The following EFCAB13 variants were observed in gnomAD, a reference collection of about 807,000 sequenced individuals.
EFCAB13 encodes EF-hand calcium-binding domain-containing protein 13.
Under a neutral mutation model 110.2 loss-of-function variants are expected in EFCAB13, and 91 were observed. That is an observed-to-expected ratio of 0.83 (90% CI 0.70 to 0.98). The LOEUF is 0.98. Among genes scored for constraint, EFCAB13 ranks in the 50% least tolerant of loss-of-function variants. The pLI, the probability that EFCAB13 is intolerant of heterozygous loss-of-function variation, is 0.00. For synonymous variants in EFCAB13, 323 were observed against 369.9 expected (o/e 0.87, Z 1.45); for missense variants, 968 against 1,119.4 (o/e 0.86, Z 1.93).
chr17:47,374,395 A>C (rs1288455959), intron 11 of EFCAB13, 77 bp from the exon 12 acceptor site: 1 of 1,199,198 alleles, frequency 8.3e-7, no homozygotes, highest in Non-Finnish European at 1.1e-6. Flanking sequence ...AGTTTTCATG[A>C]GGACTTAGTT....
chr17:47,396,007 G>T, intron 17 of EFCAB13, 30 bp downstream of exon 17: 1 of 1,556,932 alleles, frequency 6.4e-7, no homozygotes. Context: ...AAATTAAAAA[G>T]TATACCAAGA....
intron 4 of EFCAB13, among the ~76,000 whole-genome samples, chr17:47,330,697 A>G (rs2065314917): frequency 6.6e-6 from 1 of 151,820 alleles, no homozygotes; most frequent in Admixed American, 6.6e-5. Context: ...ACCTCTCATC[A>G]GTTGATGGGT....
intron 9 of EFCAB13, among the ~76,000 whole-genome samples, chr17:47,348,550 G>A (rs1449516603): frequency 6.6e-6 from 1 of 151,928 alleles, no homozygotes; most frequent in East Asian, 1.9e-4. Flanking sequence ...ATATGACTAA[G>A]ATTTATTCAT....
At chr17:47,359,434 A>G (rs1170929367) in intron 9 of EFCAB13, among the ~76,000 whole-genome samples, 1 of 151,838 alleles carries the variant, frequency 6.6e-6, no homozygotes, top group African/African-American at 2.4e-5. Flanking sequence ...CTTAGTAATC[A>G]TTAGTTTATT....
intron 12 of EFCAB13, among the ~76,000 whole-genome samples, chr17:47,375,730 T>A (rs1206109909): frequency 6.6e-6 from 1 of 152,232 alleles, no homozygotes; most frequent in Non-Finnish European, 1.5e-5. Flanking sequence ...ATCATTAATA[T>A]TTCCTAGAAA....
chr17:47,389,428 G>A (rs2065693940), intron 14 of EFCAB13, among the ~76,000 whole-genome samples: 1 of 152,050 alleles, frequency 6.6e-6, no homozygotes, highest in Admixed American at 6.6e-5. Context: ...ATTCTCAAAG[G>A]TACAGCTCTT....
chr17:47,398,341 AC>A (rs1320067120), intron 17 of EFCAB13, among the ~76,000 whole-genome samples: 1 of 148,336 alleles, frequency 6.7e-6, no homozygotes, highest in Admixed American at 6.7e-5. Flanking sequence ...CTGCCCGGCC[AC>A]CACCCCGTCT....
chr17:47,440,288 G>T (rs983486437), intron 24 of EFCAB13, 143 bp from the exon 25 acceptor site: 12 of 705,760 alleles, frequency 1.7e-5, no homozygotes, highest in Non-Finnish European at 2.6e-5. Flanking sequence ...TCATATGCAT[G>T]CAAGAGGTAA....
At position 47,374,734 on chromosome 17, in the gene EFCAB13, C is replaced by G; in HGVS notation, c.1140C>G (p.Val380=). 1.2e-6 allele frequency: 2 copies of G among 1,613,802 alleles called. No individual in the cohort carries two copies. Among genetic ancestry groups the G allele is most frequent in the Non-Finnish European group, 1.7e-6 (2 of 1,179,912 alleles). ...GGGTTGGCAGCAGTAATGTAGGAGT[C>G]CAAGAACCATATTCAAAGAATGGCA... ...LGGVGSSNVG[V]QEPYSKNGIN... Residue 380 remains valine (V), a synonymous_variant, in exon 12 of 25, where the codon GTC becomes GTG. Coordinates refer to ENST00000331493, the MANE Select transcript of EFCAB13 (RefSeq NM_152347.5).
rs755673463 is a variant in EFCAB13, at chr17:47,374,474, A to G, written c.880A>G (p.Ile294Val). Reference sequence around the variant, plus strand: ...AATTGTATATTTCTCTTATTTAGCAATTACAGAAGGATCACCTTTGAATGA... The same window carrying G: ...AATTGTATATTTCTCTTATTTAGCAGTTACAGAAGGATCACCTTTGAATGA... ...ELQEQYEDVS[I>V]TEGSPLNEIT... The change falls in exon 12 of 25, where the codon ATT becomes GTT. Residue 294 changes from isoleucine to valine, a missense_variant and splice_region_variant. Physicochemically the swap from Ile to Val is conservative, Grantham distance 29. Coordinates refer to ENST00000331493, the MANE Select transcript of EFCAB13 (RefSeq NM_152347.5). 4 of 1,495,426 alleles carry G rather than the reference A, an allele frequency of 2.7e-6. No homozygotes were observed. In the African/African-American group the frequency reaches 4.2e-5, roughly 16 times the overall value. 92.6% of individuals were successfully genotyped at this position (1,495,426 alleles called of 1,614,324 possible). A position where few individuals can be genotyped will look rare whatever the true frequency, so the allele number is the denominator to read the frequency against.
At chr17:47,379,897 A>G (rs2065637474) in intron 14 of EFCAB13, among the ~76,000 whole-genome samples, 1 of 152,196 alleles carries the variant, frequency 6.6e-6, no homozygotes, top group Non-Finnish European at 1.5e-5. Flanking sequence ...TTCCCCAGAT[A>G]AGGAAAGATT....
chr17:47,357,337 A>C (rs2065486547), intron 9 of EFCAB13, among the ~76,000 whole-genome samples: 1 of 152,202 alleles, frequency 6.6e-6, no homozygotes, highest in Non-Finnish European at 1.5e-5. Flanking sequence ...TTTTTAAATC[A>C]CAACTTAGAA....
intron 6 of EFCAB13, among the ~76,000 whole-genome samples, chr17:47,343,566 C>G (rs2051868046): frequency 6.6e-6 from 1 of 152,034 alleles, no homozygotes. Context: ...AGTCTTTTTT[C>G]CACATCTTGC....
chr17:47,328,331 A>G lies in EFCAB13; in HGVS notation c.-23A>G, dbSNP rs761565007. On this transcript the variant is annotated 5_prime_UTR_variant, in exon 4 of 25. Coordinates refer to ENST00000331493, the MANE Select transcript of EFCAB13 (RefSeq NM_152347.5). ...ATCAAAGCCTGGAGTCCTTAAGGAC[A>G]GAATTTACCTCTAAACAGAAAGATG... 2.5e-6 allele frequency: 4 copies of G among 1,605,046 alleles called. No individual in the cohort carries two copies. The South Asian group carries it at 4.4e-5, about 18-fold the overall frequency.
At chr17:47,356,184 C>G (rs1228212680) in intron 9 of EFCAB13, among the ~76,000 whole-genome samples, 1 of 151,560 alleles carries the variant, frequency 6.6e-6, no homozygotes, top group Non-Finnish European at 1.5e-5. Context: ...AATTATTTTT[C>G]TGGCAATTCA....
intron 21 of EFCAB13, among the ~76,000 whole-genome samples, chr17:47,411,882 A>G (rs917229834): frequency 1.3e-5 from 2 of 152,208 alleles, no homozygotes; most frequent in Admixed American, 1.3e-4. Context: ...ACTTGAGCTC[A>G]GGAGTTCGAG....
intron 11 of EFCAB13, among the ~76,000 whole-genome samples, chr17:47,372,732 C>T (rs1413896504): frequency 6.6e-6 from 1 of 152,036 alleles, no homozygotes; most frequent in Non-Finnish European, 1.5e-5. Flanking sequence ...CAGTTTATTT[C>T]CTTCAGTACT....
chr17:47,431,847 A>G lies in EFCAB13; in HGVS notation c.2638+1886A>G, dbSNP rs901547299. ...TTCTTTGTTCAATAGTTACTGAAACAGTTGTTCTAAAATCTTCTACAATTT... is the reference window on the plus strand; with the variant it reads ...TTCTTTGTTCAATAGTTACTGAAACGGTTGTTCTAAAATCTTCTACAATTT... On this transcript the variant is annotated intron_variant, in intron 24 of 24. Transcript: ENST00000331493. This position sits in a 1 kb window ranked among gnomAD's most constrained non-coding sequence, Gnocchi z 4.1. 6.6e-6 allele frequency among the ~76,000 whole-genome samples: 1 copy of G among 152,240 alleles called. No individual in the cohort carries two copies. Among genetic ancestry groups the G allele is most frequent in the Non-Finnish European group, 1.5e-5 (1 of 68,036 alleles).
chr17:47,396,013 C>T (rs370264878), intron 17 of EFCAB13, 36 bp downstream of exon 17: 2 of 1,526,724 alleles, frequency 1.3e-6, no homozygotes, highest in Non-Finnish European at 1.8e-6. Flanking sequence ...AAAAGTATAC[C>T]AAGATATTAC....
Sources: gnomAD v4.1 joint callset for allele counts (sites outside exome capture counted in the v4.1 genomes callset) on GRCh38, gnomAD v4.1.1 for gene constraint, Gnocchi (gnomAD v3.1) non-coding constraint, MANE v1.5 for transcripts, NCBI Gene and HGNC (gene_info 2026-07-23, HGNC 2026-07-21) for gene names.